CSMD3: variants seen among roughly 807,000 people sequenced by gnomAD.
The protein encoded by CSMD3 is CUB and sushi domain-containing protein 3.
Under a neutral mutation model 435.2 loss-of-function variants are expected in CSMD3, and 177 were observed. The observed-to-expected ratio is 0.41, with a 90% confidence interval of 0.36 to 0.46. The LOEUF (loss-of-function observed/expected upper bound fraction) is 0.46. Among genes scored for constraint, CSMD3 ranks in the 20% least tolerant of loss-of-function variants. The pLI is 0.34. For synonymous variants in CSMD3, 1,656 were observed against 1,520.5 expected (o/e 1.09, Z -2.07); for missense variants, 4,265 against 4,504.6 (o/e 0.95, Z 1.52).
chr8:112,243,234 A>AT (rs1231717022), intron 65 of CSMD3, among the ~76,000 whole-genome samples: 2 of 118,564 alleles, frequency 1.7e-5, no homozygotes, highest in Non-Finnish European at 3.8e-5. Flanking sequence ...GATTTCAATC[A>AT]TAAAAAAAAA....
At chr8:112,616,589 A>G (rs1833681266) in intron 22 of CSMD3, among the ~76,000 whole-genome samples, 1 of 152,074 alleles carries the variant, frequency 6.6e-6, no homozygotes, top group African/African-American at 2.4e-5. Context: ...GGAATGACTC[A>G]CCACTCTTTC....
chr8:113,028,910 T>C (rs779542103), intron 5 of CSMD3, among the ~76,000 whole-genome samples: 1 of 151,558 alleles, frequency 6.6e-6, no homozygotes, highest in Non-Finnish European at 1.5e-5. Context: ...TTGATGAAGG[T>C]GACTATACTA....
intron 56 of CSMD3, among the ~76,000 whole-genome samples, chr8:112,289,997 G>A (rs1277003185): frequency 6.6e-6 from 1 of 152,050 alleles, no homozygotes; most frequent in African/African-American, 2.4e-5. Flanking sequence ...AAAAGAACTT[G>A]AGGGTTCAAG....
intron 4 of CSMD3, among the ~76,000 whole-genome samples, chr8:113,102,449 G>A (rs1407939025): frequency 6.6e-6 from 1 of 152,110 alleles, no homozygotes; most frequent in Non-Finnish European, 1.5e-5. Flanking sequence ...ACGTTTTCAT[G>A]ATCCCTGTTC....
Position 112,681,998 on chromosome 8 carries a change from CAT to C in CSMD3, c.2677+442_2677+443del, listed in dbSNP as rs72379408. Reference sequence around the variant, plus strand: ...ATTAGCAAATGATGCCTTCAGAAATCATATATTTTAAATAAATGGGTGTTTTA... The same window carrying C: ...ATTAGCAAATGATGCCTTCAGAAATCATATTTTAAATAAATGGGTGTTTTA... On this transcript the variant is annotated intron_variant, in intron 16 of 70. Transcript: ENST00000297405. 7.9e-3 allele frequency among the ~76,000 whole-genome samples: 1,192 copies of C among 151,758 alleles called. 24 individuals carry two copies. Among genetic ancestry groups the C allele is most frequent in the African/African-American group, 0.027 (1,132 of 41,374 alleles).
intron 32 of CSMD3, among the ~76,000 whole-genome samples, chr8:112,462,584 G>C (rs148304471): frequency 2.6e-5 from 4 of 151,674 alleles, no homozygotes; most frequent in Non-Finnish European, 5.9e-5. Context: ...TCCCATTCTA[G>C]AGCATATTAT....
At chr8:113,156,674 G>C (rs1460268842) in intron 4 of CSMD3, among the ~76,000 whole-genome samples, 3 of 151,568 alleles carry the variant, frequency 2.0e-5, no homozygotes, top group Non-Finnish European at 4.4e-5. Flanking sequence ...GCTGAGGAAG[G>C]TGGATCACAT....
At chr8:112,544,833 A>G (rs1223379397) in intron 27 of CSMD3, among the ~76,000 whole-genome samples, 1 of 152,200 alleles carries the variant, frequency 6.6e-6, no homozygotes. Context: ...TAAGAAATGA[A>G]TGTTCAGTAC....
At chr8:112,867,028 G>A (rs1197679710) in intron 10 of CSMD3, among the ~76,000 whole-genome samples, 1 of 152,040 alleles carries the variant, frequency 6.6e-6, no homozygotes, top group East Asian at 1.9e-4. Context: ...TGTTAGGCAA[G>A]ACAATAAATA....
At chr8:113,278,090 C>T (rs1401555172) in intron 3 of CSMD3, among the ~76,000 whole-genome samples, 2 of 151,858 alleles carry the variant, frequency 1.3e-5, no homozygotes, top group African/African-American at 2.4e-5. Flanking sequence ...AAAGAAAAAA[C>T]ACAACCTTCA....
chr8:113,189,275 C>A (rs2092551664), intron 3 of CSMD3, among the ~76,000 whole-genome samples: 1 of 151,756 alleles, frequency 6.6e-6, no homozygotes, highest in Admixed American at 6.6e-5. Context: ...CTAATTGAAA[C>A]CAATTATGAC....
intron 38 of CSMD3, among the ~76,000 whole-genome samples, chr8:112,362,071 A>C (rs1827297240): frequency 6.6e-6 from 1 of 151,956 alleles, no homozygotes. Context: ...TAATGTAGAC[A>C]TTTGTGGTAA....
chr8:113,010,187 T>A (rs942769390), intron 6 of CSMD3, among the ~76,000 whole-genome samples: 3 of 151,564 alleles, frequency 2.0e-5, no homozygotes, highest in Non-Finnish European at 3.0e-5. Context: ...CCTACAAAAT[T>A]TTCAGTTACA....
intron 1 of CSMD3, among the ~76,000 whole-genome samples, chr8:113,327,098 T>C (rs1410092754): frequency 1.3e-5 from 2 of 152,228 alleles, no homozygotes; most frequent in Non-Finnish European, 2.9e-5. Flanking sequence ...AAAATACTAC[T>C]GACTTTTAAA....
At position 112,824,617 on chromosome 8, in the gene CSMD3, T is replaced by C. The variant is rs567716283; in HGVS notation, c.1859+5069A>G. Among the ~76,000 whole-genome samples, 16 of 152,320 alleles carry C rather than the reference T, an allele frequency of 1.1e-4. No individual in the cohort carries two copies. The South Asian group carries it at 3.1e-3, about 30-fold the overall frequency. ...GATTGAAAATTCTTTTCTTTAAGAA[T>C]GTTGAATATTGGCCCCCATTCTCTT... On this transcript the variant is annotated intron_variant, in intron 12 of 70. Coordinates refer to ENST00000297405, the MANE Select transcript of CSMD3 (RefSeq NM_198123.2).
intron 7 of CSMD3, among the ~76,000 whole-genome samples, chr8:112,969,702 C>T (rs1277283568): frequency 6.6e-6 from 1 of 151,748 alleles, no homozygotes; most frequent in African/African-American, 2.4e-5. Context: ...AAAACGTTCC[C>T]AGAAGAATAT....
chr8:112,473,783 C>G (rs1462776195), intron 31 of CSMD3, among the ~76,000 whole-genome samples: 1 of 145,764 alleles, frequency 6.9e-6, no homozygotes, highest in Non-Finnish European at 1.5e-5. Flanking sequence ...CCCTTGGAGT[C>G]AGAATGAGTT....
chr8:112,844,352 A>G (rs1325230680), intron 11 of CSMD3, among the ~76,000 whole-genome samples: 1 of 151,948 alleles, frequency 6.6e-6, no homozygotes, highest in Non-Finnish European at 1.5e-5. Flanking sequence ...CAAAACATCC[A>G]TGTACTCCTT....
intron 3 of CSMD3, among the ~76,000 whole-genome samples, chr8:113,227,861 A>G (rs927924199): frequency 1.3e-5 from 2 of 151,688 alleles, no homozygotes; most frequent in Admixed American, 6.6e-5. Flanking sequence ...CAGTCTCTCT[A>G]GAAACACTCA....
Sources: allele counts gnomAD v4.1 joint callset (sites outside exome capture counted in the v4.1 genomes callset), GRCh38; gene constraint gnomAD v4.1.1; transcripts MANE v1.5; gene names NCBI Gene and HGNC (gene_info 2026-07-23, HGNC 2026-07-21).